Variants in PDHX observed in about 807,000 individuals in gnomAD.
PDHX encodes pyruvate dehydrogenase complex component X, also known as pyruvate dehydrogenase protein X component, mitochondrial.
In PDHX, 33 loss-of-function variants were observed where a neutral mutation model predicts 55.3. The ratio of observed to expected loss-of-function variants is 0.60; its 90% CI spans 0.45 to 0.80. The LOEUF (loss-of-function observed/expected upper bound fraction) is 0.80. Ranked by LOEUF, PDHX falls within the 30% of genes least tolerant of loss-of-function variation. The pLI, the probability that PDHX is intolerant of heterozygous loss-of-function variation, is 0.00. For synonymous variants in PDHX, 226 were observed against 219.4 expected (o/e 1.03, Z -0.27); for missense variants, 622 against 619.9 (o/e 1.00, Z -0.04).
intron 3 of PDHX, among the ~76,000 whole-genome samples, chr11:34,951,351 G>T (rs992880718): frequency 6.6e-6 from 1 of 152,032 alleles, no homozygotes; most frequent in Non-Finnish European, 1.5e-5. Context: ...GAGCCACCGC[G>T]CCCGGCCTGT....
intron 9 of PDHX, among the ~76,000 whole-genome samples, chr11:34,987,923 G>A (rs980410543): frequency 6.6e-6 from 1 of 152,062 alleles, no homozygotes; most frequent in Non-Finnish European, 1.5e-5. Flanking sequence ...CTTTAATGTG[G>A]TTATATTTTA....
chr11:34,940,486 A>C lies in PDHX; in HGVS notation c.242-7020A>C, dbSNP rs1590738646. 2.0e-5 allele frequency among the ~76,000 whole-genome samples: 3 copies of C among 152,336 alleles called. No individual in the cohort carries two copies. In the South Asian group the frequency reaches 6.2e-4, roughly 32 times the overall value. ...AATATGTATATGTTTGTGGTGCTAA[A>C]ATGGAAAATTTTGAAAAGTCCATTT... On this transcript the variant is annotated intron_variant, in intron 2 of 10. Transcript: ENST00000227868.
At chr11:34,950,426 C>T (rs960362889) in intron 3 of PDHX, among the ~76,000 whole-genome samples, 1 of 149,586 alleles carries the variant, frequency 6.7e-6, no homozygotes, top group African/African-American at 2.5e-5. Flanking sequence ...GCACAATGTG[C>T]AGGTTAGTTA....
Position 34,995,259 on chromosome 11 carries a change from T to G in PDHX, c.*87T>G, listed in dbSNP as rs1410329292. The G allele has an allele frequency of 7.1e-7, 1 of 1,406,826 alleles. No homozygotes were observed. Among genetic ancestry groups the G allele is most frequent in the Non-Finnish European group, 1.0e-6 (1 of 996,294 alleles). 87.1% of individuals were successfully genotyped at this position (1,406,826 alleles called of 1,614,324 possible). On this transcript the variant is annotated 3_prime_UTR_variant, in exon 11 of 11. Transcript: ENST00000227868. The stretch of plus-strand genomic sequence containing the variant: ...TATGTTATAGGAAAACAACTTGGTA[T>G]TTAAGTATGAAGTGGATGAAATGTT...
At chr11:34,993,206 A>G (rs904695329) in intron 10 of PDHX, among the ~76,000 whole-genome samples, 5 of 151,894 alleles carry the variant, frequency 3.3e-5, no homozygotes, top group African/African-American at 4.8e-5. Flanking sequence ...ACAGACCTTT[A>G]TAGGATATAT....
rs781350102 is a variant in PDHX, at chr11:34,992,377, T to G, written c.1245T>G (p.Phe415Leu). 6.4e-7 allele frequency: 1 copy of G among 1,556,656 alleles called. No individual in the cohort carries two copies. The highest frequency in any genetic ancestry group is 2.3e-5 in the East Asian group (1 of 44,348). ...LLPEEYQGGSFSISNLGMFGI... is the reference protein window; with the variant it reads ...LLPEEYQGGSLSISNLGMFGI... ...CTGAAGAATACCAAGGAGGATCTTT[T>G]AGGTAAAATTTAAACTCTTAATTAT... The change falls in exon 10 of 11, where the codon TTT becomes TTG. Residue 415 changes from phenylalanine (F) to leucine (L), a missense_variant and splice_region_variant. By Grantham distance (22) the Phe-to-Leu change is conservative. Coordinates refer to ENST00000227868, the MANE Select transcript of PDHX (RefSeq NM_003477.3).
intron 5 of PDHX, among the ~76,000 whole-genome samples, chr11:34,966,251 T>C (rs1322396698): frequency 6.6e-6 from 1 of 152,196 alleles, no homozygotes; most frequent in Non-Finnish European, 1.5e-5. Flanking sequence ...TACAATAAAC[T>C]TGACACTTTT....
At chr11:34,947,452 A>G in intron 2 of PDHX, 54 bp from the exon 3 acceptor site, 1 of 1,121,790 alleles carries the variant, frequency 8.9e-7, no homozygotes, top group Admixed American at 1.7e-5. Context: ...GTACATATAT[A>G]CATAGTAATA....
intron 1 of PDHX, among the ~76,000 whole-genome samples, chr11:34,927,643 C>G (rs1854055691): frequency 6.6e-6 from 1 of 151,950 alleles, no homozygotes; most frequent in African/African-American, 2.4e-5. Flanking sequence ...GTGTTCTAAT[C>G]AAAAGAGGGT....
At chr11:34,940,666 C>T (rs576682826) in intron 2 of PDHX, among the ~76,000 whole-genome samples, 3 of 152,192 alleles carry the variant, frequency 2.0e-5, no homozygotes, top group African/African-American at 7.2e-5. Context: ...TTTTAGAACA[C>T]ATTTCTGTCA....
intron 3 of PDHX, among the ~76,000 whole-genome samples, chr11:34,951,640 A>G (rs943696132): frequency 2.6e-5 from 4 of 151,940 alleles, no homozygotes; most frequent in South Asian, 2.1e-4. Flanking sequence ...CTCCCATTTT[A>G]TAGGTTGCCT....
At chr11:34,959,644 T>A (rs1456095186) in intron 4 of PDHX, among the ~76,000 whole-genome samples, 1 of 152,076 alleles carries the variant, frequency 6.6e-6, no homozygotes. Context: ...TGTACATCTA[T>A]GTTCATAGCA....
intron 6 of PDHX, among the ~76,000 whole-genome samples, chr11:34,968,948 AT>A (rs1855194502): frequency 6.6e-6 from 1 of 152,092 alleles, no homozygotes; most frequent in South Asian, 2.1e-4. Context: ...TCGACTTATA[AT>A]TTTTTGACTT....
intron 2 of PDHX, among the ~76,000 whole-genome samples, chr11:34,934,378 T>G (rs1020403368): frequency 2.0e-5 from 3 of 152,148 alleles, no homozygotes; most frequent in African/African-American, 7.2e-5. Context: ...TGAGGAATTC[T>G]GTATGCCAGT....
At chr11:34,931,573 A>G (rs1329956559) in intron 2 of PDHX, 89 bp downstream of exon 2, 5 of 709,320 alleles carry the variant, frequency 7.0e-6, no homozygotes, top group Admixed American at 7.0e-5. Context: ...CCTGTTATAC[A>G]GTATGTGATA....
intron 4 of PDHX, among the ~76,000 whole-genome samples, 196 bp downstream of exon 4, chr11:34,957,779 A>G (rs1854939061): frequency 6.6e-6 from 1 of 151,994 alleles, no homozygotes; most frequent in Admixed American, 6.6e-5. Flanking sequence ...TAGTTACTGA[A>G]TATCTGCTAT....
intron 3 of PDHX, among the ~76,000 whole-genome samples, chr11:34,951,771 C>A (rs1854775567): frequency 6.6e-6 from 1 of 152,092 alleles, no homozygotes; most frequent in African/African-American, 2.4e-5. Flanking sequence ...AAGTCCTTGC[C>A]CATGCCTGTG....
chr11:34,918,441 G>A (rs1489539701), intron 1 of PDHX, among the ~76,000 whole-genome samples: 4 of 147,674 alleles, frequency 2.7e-5, no homozygotes, highest in Non-Finnish European at 1.5e-5. Flanking sequence ...TGTCTCAGGA[G>A]AAAAAAAAAA....
chr11:34,961,584 G>A (rs1349999887), intron 5 of PDHX, among the ~76,000 whole-genome samples: 1 of 152,100 alleles, frequency 6.6e-6, no homozygotes, highest in Non-Finnish European at 1.5e-5. Flanking sequence ...GGCAGTGTTG[G>A]GCCAGGCAAT....
Sources: allele counts gnomAD v4.1 joint callset (sites outside exome capture counted in the v4.1 genomes callset), GRCh38; gene constraint gnomAD v4.1.1; transcripts MANE v1.5; gene names NCBI Gene and HGNC (gene_info 2026-07-23, HGNC 2026-07-21).